The following TYW3 variants were observed in gnomAD, a reference collection of about 807,000 sequenced individuals.
TYW3 encodes tRNA-yW synthesizing protein 3 homolog.
In TYW3, 26 loss-of-function variants were observed where a neutral mutation model predicts 23.1. That is an observed-to-expected ratio of 1.13 (90% CI 0.83 to 1.56). The LOEUF (loss-of-function observed/expected upper bound fraction) is 1.56. TYW3 is among the 40% of genes most tolerant of loss of function. The pLI is 0.00. For synonymous variants in TYW3, 102 were observed against 105.7 expected, an observed-to-expected ratio of 0.97 and a Z score of 0.21; for missense variants, 316 against 311.9, an observed-to-expected ratio of 1.01 and a Z score of -0.10.
intron 1 of TYW3, 140 bp from the exon 2 acceptor site, chr1:74,736,402 A>G (rs894557796): frequency 5.5e-6 from 3 of 547,780 alleles, no homozygotes; most frequent in African/African-American, 2.0e-5. Context: ...ACCCAAAAAC[A>G]TACCGAATTG....
intron 3 of TYW3, among the ~76,000 whole-genome samples, chr1:74,745,162 C>T (rs985555220): frequency 6.6e-6 from 1 of 152,104 alleles, no homozygotes. Context: ...GGAATGAAGC[C>T]TCAGACCTCC....
At position 74,765,860 on chromosome 1, in the gene TYW3, G is replaced by A. The variant is rs1245525226; in HGVS notation, c.*1747G>A. ...GAAGAGAGGGGCTGCTTCCTAATCTGTTTATATAAGGTATAGTATAGTATA... is the reference window on the plus strand; with the variant it reads ...GAAGAGAGGGGCTGCTTCCTAATCTATTTATATAAGGTATAGTATAGTATA... On this transcript the variant is annotated 3_prime_UTR_variant, in exon 6 of 6. Transcript: ENST00000370867. 7.2e-5 allele frequency: 11 copies of A among 152,156 alleles called. No individual in the cohort carries two copies. The highest frequency in any genetic ancestry group is 2.4e-4 in the African/African-American group (10 of 41,530). The allele number at this position is 152,156 out of a possible 1,614,324, so 9.4% of individuals were successfully genotyped here.
chr1:74,740,360 A>C (rs1648309982), intron 3 of TYW3, among the ~76,000 whole-genome samples: 1 of 152,240 alleles, frequency 6.6e-6, no homozygotes, highest in African/African-American at 2.4e-5. Context: ...TTAACAGCTC[A>C]TAATGGTAAT....
chr1:74,760,942 T>C (rs1392772984), intron 5 of TYW3, among the ~76,000 whole-genome samples: 1 of 152,246 alleles, frequency 6.6e-6, no homozygotes, highest in Non-Finnish European at 1.5e-5. Context: ...GCCTGAAAAC[T>C]TATGAAGAGA....
intron 2 of TYW3, among the ~76,000 whole-genome samples, chr1:74,737,688 A>C (rs1648197181): frequency 6.6e-6 from 1 of 152,240 alleles, no homozygotes; most frequent in African/African-American, 2.4e-5. Context: ...CTAGGTGGTC[A>C]GACTACGCCG....
rs896445489 is a variant in TYW3 at position 74,764,201 on chromosome 1, T to TATC, written c.*90_*92dup. On this transcript the variant is annotated 3_prime_UTR_variant, in exon 6 of 6. Coordinates refer to ENST00000370867, the MANE Select transcript of TYW3 (RefSeq NM_138467.3). ...TAAGAGTATTTTAGTTTGTTGAGTG[T>TATC]ATCAGCCATTCATAAGCCAGTAATG... 13 of 1,170,980 alleles carry TATC rather than the reference T, an allele frequency of 1.1e-5. No individual in the cohort carries two copies. The African/African-American group carries it at 1.4e-4, about 13-fold the overall frequency. 72.5% of individuals were successfully genotyped at this position (1,170,980 alleles called of 1,614,324 possible). A position where few individuals can be genotyped will look rare whatever the true frequency, so the allele number is the denominator to read the frequency against.
chr1:74,747,900 C>T (rs138687657), intron 3 of TYW3, among the ~76,000 whole-genome samples: 2 of 149,980 alleles, frequency 1.3e-5, no homozygotes, highest in East Asian at 3.9e-4. Flanking sequence ...CATATACACA[C>T]ATATATACAC....
chr1:74,744,772 G>A (rs1648496778), intron 3 of TYW3, among the ~76,000 whole-genome samples: 1 of 152,226 alleles, frequency 6.6e-6, no homozygotes, highest in African/African-American at 2.4e-5. Context: ...TGTGTCCGGA[G>A]TTTGTTCCTG....
chr1:74,742,659 TG>T (rs1237141211), intron 3 of TYW3, among the ~76,000 whole-genome samples: 2 of 152,220 alleles, frequency 1.3e-5, no homozygotes, highest in Non-Finnish European at 2.9e-5. Flanking sequence ...GCCACCTCCT[TG>T]GGTTTTTACA....
chr1:74,749,951 CA>C (rs1302083470), intron 4 of TYW3, among the ~76,000 whole-genome samples: 2 of 151,890 alleles, frequency 1.3e-5, no homozygotes, highest in Non-Finnish European at 2.9e-5. Flanking sequence ...GACTCTGTCT[CA>C]AAAAAACAAA....
At chr1:74,733,975 CT>C (rs61135741) in intron 1 of TYW3, 30,805 of 149,646 alleles carry the variant, frequency 0.21, 4,381 homozygotes, top group East Asian at 0.71. Flanking sequence ...GATGGTTAGA[CT>C]TTTTTTTTTA....
In TYW3 at chr1:74,733,309, G is replaced by T; in HGVS notation, c.65G>T (p.Arg22Leu). The T allele has an allele frequency of 6.2e-7, 1 of 1,614,210 alleles. No individual in the cohort carries two copies. Among genetic ancestry groups the T allele is most frequent in the South Asian group, 1.1e-5 (1 of 91,072 alleles). Residue 22 changes from arginine to leucine, a missense_variant, in exon 1 of 6, where the codon CGG becomes CTG. Arg to Leu is a moderately radical substitution (Grantham distance 102). Transcript: ENST00000370867. ...AQCLSKADLS[R>L]KGSVDEDVVE... ...TGTTTGAGCAAAGCGGACCTCAGCC[G>T]GAAGGGCAGTGTTGACGAGGATGTG... is the stretch of plus-strand genomic sequence containing the variant.
intron 5 of TYW3, among the ~76,000 whole-genome samples, chr1:74,762,384 C>T (rs1449876353): frequency 6.6e-6 from 1 of 152,102 alleles, no homozygotes; most frequent in South Asian, 2.1e-4. Flanking sequence ...TATAATAGGA[C>T]ATAAAAGTAA....
intron 3 of TYW3, among the ~76,000 whole-genome samples, chr1:74,748,349 A>G (rs144037362): frequency 2.4e-3 from 365 of 152,362 alleles, no homozygotes; most frequent in African/African-American, 8.2e-3. Context: ...TATCATTTCA[A>G]CAAAGTTTTT....
chr1:74,744,450 A>T (rs1648478796), intron 3 of TYW3, among the ~76,000 whole-genome samples: 1 of 151,936 alleles, frequency 6.6e-6, no homozygotes, highest in African/African-American at 2.4e-5. Flanking sequence ...ATGGCTTAGG[A>T]TGCATTTCAA....
intron 4 of TYW3, 106 bp downstream of exon 4, chr1:74,748,928 G>C (rs931291478): frequency 7.6e-6 from 8 of 1,058,886 alleles, no homozygotes; most frequent in African/African-American, 6.4e-5. Flanking sequence ...AAATCTTCTT[G>C]CCATTCTCTT....
intron 1 of TYW3, among the ~76,000 whole-genome samples, chr1:74,733,747 T>C (rs998121413): frequency 2.0e-5 from 3 of 152,208 alleles, no homozygotes; most frequent in African/African-American, 7.2e-5. Flanking sequence ...TTTAGAAAAT[T>C]TGATTTTATT....
chr1:74,755,245 A>G (rs28588069), intron 5 of TYW3, among the ~76,000 whole-genome samples: 59,742 of 152,052 alleles, frequency 0.39, 14,372 homozygotes, highest in Non-Finnish European at 0.55. Flanking sequence ...CATTAAGTGC[A>G]TTCACATTGT....
chr1:74,747,461 C>T (rs1250168573), intron 3 of TYW3, among the ~76,000 whole-genome samples: 1 of 151,308 alleles, frequency 6.6e-6, no homozygotes, highest in Non-Finnish European at 1.5e-5. Flanking sequence ...AACAGTGAAA[C>T]CCCGTCTCTA....
Sources: gnomAD v4.1 joint callset for allele counts (sites outside exome capture counted in the v4.1 genomes callset) on GRCh38, gnomAD v4.1.1 for gene constraint, MANE v1.5 for transcripts, NCBI Gene and HGNC (gene_info 2026-07-23, HGNC 2026-07-21) for gene names.